Variants in EIF4B observed in about 807,000 individuals in gnomAD.
The protein encoded by EIF4B is eukaryotic translation initiation factor 4B.
Under a neutral mutation model 79.3 loss-of-function variants are expected in EIF4B, and 8 were observed. The observed-to-expected ratio is 0.10, with a 90% confidence interval of 0.06 to 0.18. The LOEUF (loss-of-function observed/expected upper bound fraction) is 0.18, where lower values mean the gene tolerates loss of function less well. Ranked by LOEUF, EIF4B falls within the 10% of genes least tolerant of loss-of-function variation. EIF4B has a pLI of 1.00. For missense variants in EIF4B, 515 were observed against 792.4 expected, an observed-to-expected ratio of 0.65 and a Z score of 4.20; for synonymous variants, 238 against 274.7, an observed-to-expected ratio of 0.87 and a Z score of 1.32.
chr12:53,021,952 GGGCCT>G (rs1943252532), intron 5 of EIF4B, 92 bp downstream of exon 5: 1 of 1,459,884 alleles, frequency 6.8e-7, no homozygotes, highest in East Asian at 2.3e-5. Flanking sequence ...GGGTAGTGGT[GGGCCT>G]GCCTGAATCT....
intron 4 of EIF4B, among the ~76,000 whole-genome samples, chr12:53,020,823 G>A (rs1385514228): frequency 6.6e-6 from 1 of 151,996 alleles, no homozygotes; most frequent in Admixed American, 6.6e-5. Context: ...TGCATATGAA[G>A]GTCTAATCTT....
chr12:53,019,450 CTT>C (rs71095966), intron 3 of EIF4B, among the ~76,000 whole-genome samples: 34 of 65,990 alleles, frequency 5.2e-4, no homozygotes, highest in African/African-American at 1.4e-3. Context: ...TTTTTTTTTT[CTT>C]TTTTTTTTTT....
chr12:53,006,544 C>T (rs1401142573), intron 1 of EIF4B, 48 bp downstream of exon 1: 2 of 1,612,836 alleles, frequency 1.2e-6, no homozygotes, highest in Admixed American at 1.7e-5. Context: ...TGAAACCCCC[C>T]TCCGAGCGTG....
At position 53,007,420 on chromosome 12, in the gene EIF4B, C is replaced by CTTTTTTTTTTTTTTTTTTT. The variant is rs56017954; in HGVS notation, c.13+934_13+952dup. Among the ~76,000 whole-genome samples, 2 of 92,236 alleles carry CTTTTTTTTTTTTTTTTTTT rather than the reference C, an allele frequency of 2.2e-5. 1 individual carries two copies. Among genetic ancestry groups the CTTTTTTTTTTTTTTTTTTT allele is most frequent in the African/African-American group, 1.0e-4 (2 of 19,636 alleles). The allele number at this position is 92,236 out of a possible 152,430, so 60.5% of individuals were successfully genotyped here. On this transcript the variant is annotated intron_variant, in intron 1 of 14. Transcript: ENST00000262056. ...GATAGCTCCAATGGTAGATTTCAGC[C>CTTTTTTTTTTTTTTTTTTT]TTTTTTTTTTTTTTTTTTTTTTTTT...
At position 53,015,213 on chromosome 12, in the gene EIF4B, CAT is replaced by C. The variant is rs1943129576; in HGVS notation, c.14-1258_14-1257del. 2.0e-5 allele frequency among the ~76,000 whole-genome samples: 3 copies of C among 152,260 alleles called. 1 individual carries two copies. The highest frequency in any genetic ancestry group is 2.0e-4 in the Admixed American group (3 of 15,284). ...TTTTACTGTGGTTTTGATAACCTGA[CAT>C]AGAATAAGCTGCTGAGATGCAAGGA... is the stretch of plus-strand genomic sequence containing the variant. On this transcript the variant is annotated intron_variant, in intron 1 of 14. Coordinates refer to ENST00000262056, the MANE Select transcript of EIF4B (RefSeq NM_001417.7).
chr12:53,009,260 A>G (rs1465732771), intron 1 of EIF4B, among the ~76,000 whole-genome samples: 1 of 152,224 alleles, frequency 6.6e-6, no homozygotes. Flanking sequence ...GCAGTGGCTC[A>G]TGCCTGTAAT....
chr12:53,034,466 C>A, intron 9 of EIF4B, 146 bp from the exon 10 acceptor site: 1 of 776,256 alleles, frequency 1.3e-6, no homozygotes, highest in Non-Finnish European at 2.1e-6. Flanking sequence ...ATGTCTGTAG[C>A]TTTCAAATAG....
chr12:53,019,103 G>A, intron 3 of EIF4B, 97 bp downstream of exon 3: 1 of 1,401,694 alleles, frequency 7.1e-7, no homozygotes, highest in Non-Finnish European at 9.8e-7. Context: ...AAAACAACTA[G>A]AAATATAATT....
chr12:53,015,137 G>C (rs1279181043), intron 1 of EIF4B, among the ~76,000 whole-genome samples: 1 of 152,192 alleles, frequency 6.6e-6, no homozygotes, highest in Admixed American at 6.5e-5. Flanking sequence ...AGGGCAGAGA[G>C]ATCTAGGGAA....
intron 9 of EIF4B, 73 bp from the exon 10 acceptor site, chr12:53,034,539 A>G (rs1288467130): frequency 7.2e-7 from 1 of 1,384,388 alleles, no homozygotes; most frequent in African/African-American, 1.4e-5. Context: ...ATGGTTCTTG[A>G]GGGGTCAGCA....
rs1439814518 is a variant in EIF4B, at chr12:53,041,552, A to T, written c.*1329A>T. On this transcript the variant is annotated 3_prime_UTR_variant, in exon 15 of 15. Coordinates refer to ENST00000262056, the MANE Select transcript of EIF4B (RefSeq NM_001417.7). ...TGAGAGAATAAATGGTAATGGAGAGAACTATTTAACAAGGTCCTGGTTTCT... is the reference window on the plus strand; with the variant it reads ...TGAGAGAATAAATGGTAATGGAGAGTACTATTTAACAAGGTCCTGGTTTCT... 1 of 151,840 alleles carries T rather than the reference A, an allele frequency of 6.6e-6. No individual in the cohort carries two copies. Among genetic ancestry groups the T allele is most frequent in the East Asian group, 1.9e-4 (1 of 5,182 alleles). The allele number at this position is 151,840 out of a possible 1,614,324, so 9.4% of individuals were successfully genotyped here.
intron 6 of EIF4B, 106 bp from the exon 7 acceptor site, chr12:53,027,676 G>A: frequency 6.9e-7 from 1 of 1,442,232 alleles, no homozygotes; most frequent in African/African-American, 1.4e-5. Flanking sequence ...AAATCAGATA[G>A]AAAATTTAAA....
chr12:53,016,685 T>C, intron 2 of EIF4B, 75 bp downstream of exon 2: 1 of 1,492,222 alleles, frequency 6.7e-7, no homozygotes, highest in Non-Finnish European at 8.9e-7. Flanking sequence ...ATAATTCACA[T>C]CGTTTGTAAT....
chr12:53,038,313 C>T, intron 11 of EIF4B, 43 bp from the exon 12 acceptor site: 2 of 1,536,072 alleles, frequency 1.3e-6, no homozygotes, highest in Non-Finnish European at 8.8e-7. Context: ...GTTGTTTTCT[C>T]CCTGAAACAA....
At chr12:53,017,978 T>G (rs963845240) in intron 2 of EIF4B, among the ~76,000 whole-genome samples, 2 of 152,106 alleles carry the variant, frequency 1.3e-5, no homozygotes, top group African/African-American at 4.8e-5. Context: ...GGAAAAGATT[T>G]TTGTTGTGAT....
In EIF4B at chr12:53,041,556, A is replaced by G. The variant is rs1219815705; in HGVS notation, c.*1333A>G. On this transcript the variant is annotated 3_prime_UTR_variant, in exon 15 of 15. Transcript: ENST00000262056. Reference sequence around the variant, plus strand: ...AGAATAAATGGTAATGGAGAGAACTATTTAACAAGGTCCTGGTTTCTCTTG... The same window carrying G: ...AGAATAAATGGTAATGGAGAGAACTGTTTAACAAGGTCCTGGTTTCTCTTG... The G allele has an allele frequency of 6.6e-6, 1 of 152,128 alleles. No individual in the cohort carries two copies. The highest frequency in any genetic ancestry group is 1.5e-5 in the Non-Finnish European group (1 of 68,026). 9.4% of individuals were successfully genotyped at this position (152,128 alleles called of 1,614,324 possible). A position where few individuals can be genotyped will look rare whatever the true frequency, so the allele number is the denominator to read the frequency against.
intron 9 of EIF4B, among the ~76,000 whole-genome samples, 200 bp downstream of exon 9, chr12:53,034,234 G>C (rs1565592174): frequency 2.0e-5 from 3 of 152,210 alleles, no homozygotes; most frequent in African/African-American, 7.2e-5. Context: ...GTTGTTCCCT[G>C]TCCATTACAA....
chr12:53,034,805 C>T, intron 10 of EIF4B, 96 bp downstream of exon 10: 2 of 1,387,908 alleles, frequency 1.4e-6, no homozygotes, highest in East Asian at 2.3e-5. Context: ...TAAATTCAGT[C>T]ATGAACTCTT....
chr12:53,015,186 C>T (rs1006725695), intron 1 of EIF4B, among the ~76,000 whole-genome samples: 4 of 152,110 alleles, frequency 2.6e-5, no homozygotes, highest in Non-Finnish European at 4.4e-5. Context: ...AATAGCAGTA[C>T]GTTTTACTGT....
Sources: allele counts gnomAD v4.1 joint callset (sites outside exome capture counted in the v4.1 genomes callset), GRCh38; gene constraint gnomAD v4.1.1; transcripts MANE v1.5; gene names NCBI Gene and HGNC (gene_info 2026-07-23, HGNC 2026-07-21).